The following FER1L6 variants were observed in gnomAD, a reference collection of about 807,000 sequenced individuals.
FER1L6 encodes fer-1 like family member 6.
A neutral mutation model predicts 219.2 loss-of-function variants in FER1L6; 177 were observed. That is an observed-to-expected ratio of 0.81 (90% CI 0.71 to 0.91). FER1L6 has a LOEUF of 0.91. FER1L6 is among the 40% of genes least tolerant of loss of function. The pLI, the probability that FER1L6 is intolerant of heterozygous loss-of-function variation, is 0.00. For missense variants in FER1L6, 2,153 were observed against 2,259.9 expected (o/e 0.95, Z 0.96); for synonymous variants, 768 against 824.3 (o/e 0.93, Z 1.17).
At chr8:124,042,121 G>T (rs890580574) in intron 20 of FER1L6, among the ~76,000 whole-genome samples, 1 of 152,176 alleles carries the variant, frequency 6.6e-6, no homozygotes, top group African/African-American at 2.4e-5. Context: ...CAGGGCCTTA[G>T]TGAAGTACAG....
intron 12 of FER1L6, among the ~76,000 whole-genome samples, chr8:123,988,814 GTTTCTTTC>G (rs1816714903): frequency 6.6e-6 from 1 of 152,056 alleles, no homozygotes; most frequent in African/African-American, 2.4e-5. Flanking sequence ...GATGCCCTTT[GTTTCTTTC>G]TCTTGTCTGA....
chr8:124,035,486 C>T (rs1352099535), intron 19 of FER1L6, 32 bp downstream of exon 19: 18 of 1,586,502 alleles, frequency 1.1e-5, no homozygotes, highest in East Asian at 2.3e-5. Flanking sequence ...GAGGGTCATT[C>T]GAGGTCTCAG....
intron 35 of FER1L6, 72 bp from the exon 36 acceptor site, chr8:124,097,199 C>A: frequency 9.0e-7 from 1 of 1,107,268 alleles, no homozygotes; most frequent in Non-Finnish European, 1.4e-6. Context: ...CTTATAAAAC[C>A]ATGAATTATC....
intron 1 of FER1L6, chr8:123,926,011 G>C (rs1445128332): frequency 1.3e-5 from 2 of 152,166 alleles, no homozygotes; most frequent in Non-Finnish European, 2.9e-5. Flanking sequence ...CTTCTTATTG[G>C]GAGATGACAG....
intron 18 of FER1L6, among the ~76,000 whole-genome samples, chr8:124,024,340 C>T (rs1818609499): frequency 6.6e-6 from 1 of 151,648 alleles, no homozygotes. Flanking sequence ...GTTTTTTGTC[C>T]CTCATCCCCA....
chr8:123,855,548 G>C (rs183862724), intron 1 of FER1L6, among the ~76,000 whole-genome samples: 1 of 152,100 alleles, frequency 6.6e-6, no homozygotes, highest in Admixed American at 6.6e-5. Flanking sequence ...GGATGTGTGG[G>C]TTTATGTCCT....
At chr8:124,052,221 G>C (rs1486137721) in intron 22 of FER1L6, among the ~76,000 whole-genome samples, 1 of 152,154 alleles carries the variant, frequency 6.6e-6, no homozygotes, top group Admixed American at 6.6e-5. Flanking sequence ...AGTGATTTTA[G>C]GTCAAAACCA....
At chr8:124,113,908 T>G (rs541281392) in intron 39 of FER1L6, among the ~76,000 whole-genome samples, 1 of 152,354 alleles carries the variant, frequency 6.6e-6, no homozygotes, top group South Asian at 2.1e-4. Flanking sequence ...GTTTGCTCAC[T>G]TGACTATGTT....
At chr8:124,004,136 A>AG (rs1491346608) in intron 13 of FER1L6, 4 of 150,102 alleles carry the variant, frequency 2.7e-5, no homozygotes, top group Admixed American at 2.6e-4. Context: ...AAAAAAAAAA[A>AG]CAATTGTCAG....
At chr8:124,109,616 G>A (rs1822930836) in intron 39 of FER1L6, among the ~76,000 whole-genome samples, 2 of 152,304 alleles carry the variant, frequency 1.3e-5, no homozygotes, top group South Asian at 4.1e-4. Context: ...CTGTAGTAAG[G>A]ATAGGAGCTT....
At chr8:124,077,329 C>G (rs933665717) in intron 32 of FER1L6, among the ~76,000 whole-genome samples, 8 of 152,176 alleles carry the variant, frequency 5.3e-5, no homozygotes, top group Admixed American at 5.2e-4. Flanking sequence ...GCAATGGATA[C>G]ATCTTTAGTG....
intron 18 of FER1L6, among the ~76,000 whole-genome samples, chr8:124,030,939 G>A (rs964719795): frequency 6.6e-6 from 1 of 152,104 alleles, no homozygotes; most frequent in South Asian, 2.1e-4. Flanking sequence ...GAAGGCACAG[G>A]GGAGACTGAG....
intron 12 of FER1L6, among the ~76,000 whole-genome samples, chr8:123,993,647 A>G (rs1338302946): frequency 1.9e-4 from 29 of 152,238 alleles, no homozygotes; most frequent in East Asian, 1.2e-3. Flanking sequence ...TTTGTCCCAC[A>G]GGGTGCTCCC....
rs557071022 is a variant in FER1L6, at chr8:123,993,112, C to T, written c.1519+6936C>T. Among the ~76,000 whole-genome samples, 6 of 152,230 alleles carry T rather than the reference C, an allele frequency of 3.9e-5. No individual in the cohort carries two copies. In the East Asian group the frequency reaches 5.8e-4, roughly 15 times the overall value. ...AGATTTGTTTTGTGTCCTATCATAT[C>T]GTCTATCTTGGAGAATGTTCCCTGT... On this transcript the variant is annotated intron_variant, in intron 12 of 40. Coordinates refer to ENST00000522917, the MANE Select transcript of FER1L6 (RefSeq NM_001039112.2).
intron 39 of FER1L6, among the ~76,000 whole-genome samples, chr8:124,110,060 A>G (rs1822955708): frequency 6.6e-6 from 1 of 151,886 alleles, no homozygotes; most frequent in Admixed American, 6.6e-5. Context: ...ACGGCCCCCT[A>G]CTTAGCCTGC....
At chr8:124,003,996 A>G (rs1817543215) in intron 13 of FER1L6, among the ~76,000 whole-genome samples, 1 of 151,580 alleles carries the variant, frequency 6.6e-6, no homozygotes, top group South Asian at 2.1e-4. Context: ...TTCAATCCAA[A>G]TCCTCTTATT....
intron 1 of FER1L6, among the ~76,000 whole-genome samples, chr8:123,909,453 A>G (rs550096236): frequency 6.6e-6 from 1 of 152,184 alleles, no homozygotes; most frequent in South Asian, 2.1e-4. Flanking sequence ...AGGGATGAAA[A>G]AGGTTGTTGA....
At chr8:124,054,945 CCGT>C (rs1820213637) in intron 22 of FER1L6, among the ~76,000 whole-genome samples, 1 of 152,126 alleles carries the variant, frequency 6.6e-6, no homozygotes, top group Non-Finnish European at 1.5e-5. Context: ...GCAGAAAGGC[CCGT>C]TGGGAGACTC....
rs184580392 is a variant in FER1L6, at chr8:123,879,462, G to A, written c.-8+27277G>A. ...CTGCCTCAGCCTCCTGAGTAGCTGG[G>A]ACTACAGGCGCCCACCACCATGCCC... On this transcript the variant is annotated intron_variant, in intron 1 of 40. Coordinates refer to ENST00000522917, the MANE Select transcript of FER1L6 (RefSeq NM_001039112.2). 5.1e-3 allele frequency among the ~76,000 whole-genome samples: 772 copies of A among 152,074 alleles called. 2 individuals are homozygous for A. The highest frequency in any genetic ancestry group is 0.027 in the Middle Eastern group (8 of 294).
Sources: gnomAD v4.1 joint callset for allele counts (sites outside exome capture counted in the v4.1 genomes callset) on GRCh38, gnomAD v4.1.1 for gene constraint, MANE v1.5 for transcripts, NCBI Gene and HGNC (gene_info 2026-07-23, HGNC 2026-07-21) for gene names.